GREB1: variants seen among roughly 807,000 people sequenced by gnomAD.
The protein encoded by GREB1 is protein GREB1.
GREB1 carries 106 observed loss-of-function variants against 200.7 expected under a neutral mutation model. That is an observed-to-expected ratio of 0.53 (90% CI 0.45 to 0.62). GREB1 has a LOEUF of 0.62. Ranked by LOEUF, GREB1 falls within the 20% of genes least tolerant of loss-of-function variation. The probability of loss-of-function intolerance (pLI) is 0.00; values close to 1 mark genes in which losing one functional copy is unlikely to be tolerated. For missense variants in GREB1, 2,243 were observed against 2,556.8 expected, an observed-to-expected ratio of 0.88 and a Z score of 2.65; for synonymous variants, 1,132 against 1,092.4, an observed-to-expected ratio of 1.04 and a Z score of -0.72.
intron 7 of GREB1, among the ~76,000 whole-genome samples, chr2:11,584,446 G>A (rs1300493638): frequency 6.6e-6 from 1 of 152,156 alleles, no homozygotes; most frequent in Non-Finnish European, 1.5e-5. Context: ...CCCCCAAGCG[G>A]TGGAGCTGTG....
chr2:11,602,689 T>A, intron 17 of GREB1, 147 bp downstream of exon 17: 2 of 682,646 alleles, frequency 2.9e-6, no homozygotes, highest in Non-Finnish European at 5.2e-6. Flanking sequence ...CCTGGTTTTT[T>A]CCTTCTCCTC....
intron 1 of GREB1, among the ~76,000 whole-genome samples, chr2:11,522,161 A>AT (rs1285780867): frequency 6.6e-6 from 1 of 152,038 alleles, no homozygotes; most frequent in African/African-American, 2.4e-5. Flanking sequence ...GCATTATAAG[A>AT]TTTTCAAGTA....
intron 1 of GREB1, among the ~76,000 whole-genome samples, chr2:11,506,921 G>A (rs1299886704): frequency 6.6e-6 from 1 of 151,030 alleles, no homozygotes; most frequent in Admixed American, 6.6e-5. Context: ...TTCCACCCAC[G>A]TTAAATACAA....
At chr2:11,518,055 T>G (rs1014320172) in intron 1 of GREB1, among the ~76,000 whole-genome samples, 3 of 152,158 alleles carry the variant, frequency 2.0e-5, no homozygotes, top group Non-Finnish European at 4.4e-5. Context: ...GAGAGGGTAA[T>G]TTAGTGCTAT....
intron 4 of GREB1, among the ~76,000 whole-genome samples, chr2:11,572,085 A>T (rs1290815225): frequency 6.6e-6 from 1 of 152,188 alleles, no homozygotes; most frequent in Non-Finnish European, 1.5e-5. Flanking sequence ...TTCTAAACAT[A>T]TTTGTGCATA....
intron 1 of GREB1, among the ~76,000 whole-genome samples, chr2:11,541,638 T>C (rs796229347): frequency 9.2e-5 from 14 of 152,294 alleles, no homozygotes; most frequent in African/African-American, 2.6e-4. Context: ...TGAGTCTTGG[T>C]CTATTGCAGT....
Position 11,635,417 on chromosome 2 carries a change from G to C in GREB1, c.5346+12G>C. 1 of 1,596,640 alleles carries C rather than the reference G, an allele frequency of 6.3e-7. No homozygotes were observed. The highest frequency in any genetic ancestry group is 8.5e-7 in the Non-Finnish European group (1 of 1,171,182). The stretch of plus-strand genomic sequence containing the variant: ...ACATCACATCCAAGGTGAGCTCCTC[G>C]CTGCTGGGCAGGCCTCTATGTCCAC... On this transcript the variant is annotated intron_variant, in intron 30 of 32. Coordinates refer to ENST00000381486, the MANE Select transcript of GREB1 (RefSeq NM_014668.4).
chr2:11,618,412 C>T lies in GREB1; in HGVS notation c.3537C>T (p.Pro1179=). The T allele has an allele frequency of 6.2e-7, 1 of 1,609,968 alleles. No homozygotes were observed. Residue 1179 remains proline (P), a synonymous_variant, in exon 22 of 33, where the codon CCC becomes CCT. Coordinates refer to ENST00000381486, the MANE Select transcript of GREB1 (RefSeq NM_014668.4). ...GAGCCCCTGGTGAGAAACAGAGGCC[C>T]CGGGCAAGTCAGGGGCCACCCTCGG... ...EGRAPGEKQR[P]RASQGPPSAI...
intron 26 of GREB1, among the ~76,000 whole-genome samples, chr2:11,631,504 T>C (rs1684872825): frequency 6.6e-6 from 1 of 152,182 alleles, no homozygotes; most frequent in Admixed American, 6.5e-5. Flanking sequence ...GGGCTAGCAG[T>C]TTGGGCTTGG....
chr2:11,495,522 A>C (rs976710432), intron 1 of GREB1, among the ~76,000 whole-genome samples: 5 of 152,204 alleles, frequency 3.3e-5, no homozygotes, highest in African/African-American at 4.8e-5. Flanking sequence ...GATGCATTAA[A>C]AAAAAATAAG....
intron 1 of GREB1, among the ~76,000 whole-genome samples, chr2:11,536,685 C>T (rs1433717626): frequency 2.6e-5 from 4 of 152,280 alleles, no homozygotes; most frequent in South Asian, 2.1e-4. Flanking sequence ...AGAAGAGAGC[C>T]GCACAGCAGA....
At chr2:11,566,369 C>A in intron 3 of GREB1, 111 bp from the exon 4 acceptor site, 2 of 1,031,338 alleles carry the variant, frequency 1.9e-6, no homozygotes, top group South Asian at 1.8e-5. Context: ...CAAGCACACC[C>A]AGGGGTAAGG....
chr2:11,560,545 A>G (rs1676903428), intron 2 of GREB1, among the ~76,000 whole-genome samples: 1 of 152,112 alleles, frequency 6.6e-6, no homozygotes, highest in Admixed American at 6.5e-5. Flanking sequence ...TACTAAAAAT[A>G]CAAAAATTCG....
intron 1 of GREB1, among the ~76,000 whole-genome samples, chr2:11,494,691 T>C (rs1026053479): frequency 1.3e-5 from 2 of 152,178 alleles, no homozygotes; most frequent in East Asian, 3.9e-4. Context: ...TGGAGTCCTA[T>C]AGACTCAGGG....
rs539432428 is a variant in GREB1 at position 11,597,607 on chromosome 2, G to A, written c.1955-174G>A. Among the ~76,000 whole-genome samples, 16 of 152,226 alleles carry A rather than the reference G, an allele frequency of 1.1e-4. No homozygotes were observed. The South Asian group carries it at 3.1e-3, about 30-fold the overall frequency. On this transcript the variant is annotated intron_variant, in intron 13 of 32. Coordinates refer to ENST00000381486, the MANE Select transcript of GREB1 (RefSeq NM_014668.4). The surrounding 1 kb of genome is among the most constrained non-coding windows in gnomAD (Gnocchi z 4.1). ...TAAAATGATTGCTACCCCCACACCCGCCACTGCTTAGCTGAGAGCAGGGAC... is the reference window on the plus strand; with the variant it reads ...TAAAATGATTGCTACCCCCACACCCACCACTGCTTAGCTGAGAGCAGGGAC...
chr2:11,608,965 G>A (rs1572905565), intron 17 of GREB1, among the ~76,000 whole-genome samples: 1 of 152,162 alleles, frequency 6.6e-6, no homozygotes, highest in East Asian at 1.9e-4. Context: ...GCTTTGGCTG[G>A]CTTCCCTCTT....
intron 21 of GREB1, among the ~76,000 whole-genome samples, chr2:11,617,655 G>C (rs1186330918): frequency 6.6e-6 from 1 of 152,248 alleles, no homozygotes; most frequent in East Asian, 1.9e-4. Context: ...GGGCCGAGAG[G>C]CTCAGGGGCG....
intron 1 of GREB1, among the ~76,000 whole-genome samples, chr2:11,546,954 T>A (rs548874587): frequency 6.6e-6 from 1 of 151,512 alleles, no homozygotes; most frequent in African/African-American, 2.4e-5. Flanking sequence ...TTTTTTTTTT[T>A]TTTTTTTTTG....
At chr2:11,482,919 C>T (rs1050607871) in intron 1 of GREB1, among the ~76,000 whole-genome samples, 13 of 151,330 alleles carry the variant, frequency 8.6e-5, no homozygotes, top group African/African-American at 2.9e-4. Context: ...CGGCGGCGGG[C>T]GCTCAGGAGC....
Sources: allele counts gnomAD v4.1 joint callset (sites outside exome capture counted in the v4.1 genomes callset), GRCh38; gene constraint gnomAD v4.1.1; non-coding constraint Gnocchi (gnomAD v3.1); transcripts MANE v1.5; gene names NCBI Gene and HGNC (gene_info 2026-07-23, HGNC 2026-07-21).